The following SPATA16 variants were observed in gnomAD, a reference collection of about 807,000 sequenced individuals.
SPATA16 encodes the protein spermatogenesis-associated protein 16.
In SPATA16, 36 loss-of-function variants were observed where a neutral mutation model predicts 63.3. The observed-to-expected ratio is 0.57, with a 90% confidence interval of 0.44 to 0.75. The LOEUF is 0.75. SPATA16 is among the 30% of genes least tolerant of loss of function. SPATA16 has a pLI of 0.00. For missense variants in SPATA16, 646 were observed against 679.3 expected (o/e 0.95, Z 0.54); for synonymous variants, 203 against 216.7 (o/e 0.94, Z 0.56).
chr3:173,032,265 A>C (rs556959682), intron 3 of SPATA16, among the ~76,000 whole-genome samples: 2 of 152,146 alleles, frequency 1.3e-5, no homozygotes, highest in African/African-American at 4.8e-5. Context: ...AGTGAACAAC[A>C]AACACCTATT....
At chr3:172,923,064 A>G (rs1732650068) in intron 8 of SPATA16, among the ~76,000 whole-genome samples, 1 of 152,248 alleles carries the variant, frequency 6.6e-6, no homozygotes, top group African/African-American at 2.4e-5. Flanking sequence ...CACGGATGAG[A>G]TGAAATAATG....
intron 2 of SPATA16, among the ~76,000 whole-genome samples, chr3:173,093,669 T>C (rs1380290337): frequency 6.6e-6 from 1 of 152,208 alleles, no homozygotes; most frequent in Non-Finnish European, 1.5e-5. Flanking sequence ...AAGTTATGTA[T>C]TTGAGACAGA....
At chr3:173,062,484 CTT>C (rs560489976) in intron 2 of SPATA16, among the ~76,000 whole-genome samples, 200 of 152,226 alleles carry the variant, frequency 1.3e-3, no homozygotes, top group African/African-American at 4.6e-3. Context: ...GACTTAAGCT[CTT>C]TATACATTGT....
At chr3:172,890,982 GTA>G (rs1448879307) in intron 10 of SPATA16, among the ~76,000 whole-genome samples, 4 of 147,860 alleles carry the variant, frequency 2.7e-5, no homozygotes, top group South Asian at 2.1e-4. Context: ...TATAATATGT[GTA>G]TATATATATA....
chr3:173,102,883 T>A (rs1238569112), intron 2 of SPATA16, among the ~76,000 whole-genome samples: 1 of 152,164 alleles, frequency 6.6e-6, no homozygotes, highest in African/African-American at 2.4e-5. Context: ...TTCCTTCCAA[T>A]ATGAGCCTGT....
intron 4 of SPATA16, among the ~76,000 whole-genome samples, chr3:172,998,518 G>T (rs1734741408): frequency 6.6e-6 from 1 of 152,068 alleles, no homozygotes; most frequent in Admixed American, 6.6e-5. Flanking sequence ...TTACAAATGT[G>T]TATGCCTTTT....
At chr3:172,981,361 T>G (rs1734313336) in intron 4 of SPATA16, among the ~76,000 whole-genome samples, 1 of 152,194 alleles carries the variant, frequency 6.6e-6, no homozygotes, top group Admixed American at 6.5e-5. Flanking sequence ...ACTGCAAAGC[T>G]TCCTGTCTCT....
chr3:172,959,084 T>C (rs1410254054), intron 5 of SPATA16, among the ~76,000 whole-genome samples: 2 of 91,592 alleles, frequency 2.2e-5, no homozygotes, highest in South Asian at 2.9e-4. Context: ...ATTTCTGGAT[T>C]AACAAATCTA....
chr3:173,060,927 A>T (rs1736364521), intron 2 of SPATA16, among the ~76,000 whole-genome samples: 1 of 152,206 alleles, frequency 6.6e-6, no homozygotes. Context: ...ATCTATTCAA[A>T]GGTCTATCTT....
intron 3 of SPATA16, among the ~76,000 whole-genome samples, chr3:173,024,056 T>C (rs990988847): frequency 6.6e-6 from 1 of 151,616 alleles, no homozygotes; most frequent in East Asian, 1.9e-4. Context: ...TTGATCTGTA[T>C]GCACATTAAG....
chr3:173,089,626 G>A (rs530851890), intron 2 of SPATA16, among the ~76,000 whole-genome samples: 1 of 152,122 alleles, frequency 6.6e-6, no homozygotes, highest in Non-Finnish European at 1.5e-5. Flanking sequence ...TGGTGGTGGT[G>A]GATTGTGTCA....
At chr3:172,968,527 A>G (rs1489398752) in intron 5 of SPATA16, among the ~76,000 whole-genome samples, 1 of 152,222 alleles carries the variant, frequency 6.6e-6, no homozygotes, top group African/African-American at 2.4e-5. Context: ...CAGTCCGTCT[A>G]AATCAATGTC....
At position 173,101,205 on chromosome 3, in the gene SPATA16, T is replaced by C. The variant is rs539678076; in HGVS notation, c.612+15915A>G. ...TCACCTGGCCTAGATCATTGACCAA[T>C]TGGAATGGTAGGGGGGATAATACTT... is the stretch of plus-strand genomic sequence containing the variant. On this transcript the variant is annotated intron_variant, in intron 2 of 10. Transcript: ENST00000351008. Among the ~76,000 whole-genome samples, 34 of 152,166 alleles carry C rather than the reference T, an allele frequency of 2.2e-4. 1 individual carries two copies. Among genetic ancestry groups the C allele is most frequent in the Non-Finnish European group, 4.3e-4 (29 of 68,032 alleles).
intron 10 of SPATA16, among the ~76,000 whole-genome samples, chr3:172,909,328 C>G (rs1010092860): frequency 8.5e-5 from 13 of 152,160 alleles, no homozygotes; most frequent in Admixed American, 8.5e-4. Flanking sequence ...TCTTCCAACT[C>G]TTGGAACCTA....
intron 2 of SPATA16, among the ~76,000 whole-genome samples, chr3:173,098,833 G>A (rs999243102): frequency 1.5e-4 from 23 of 152,054 alleles, no homozygotes; most frequent in Non-Finnish European, 1.2e-4. Context: ...CATTAAAGCC[G>A]CCCATATGAT....
chr3:172,895,143 G>A (rs537571242), intron 10 of SPATA16, among the ~76,000 whole-genome samples: 4 of 152,264 alleles, frequency 2.6e-5, no homozygotes, highest in South Asian at 2.1e-4. Context: ...CCCAGTGTCC[G>A]TCAATGGTAA....
At chr3:172,999,395 ATTTC>A (rs144082601) in intron 4 of SPATA16, among the ~76,000 whole-genome samples, 29 of 150,688 alleles carry the variant, frequency 1.9e-4, no homozygotes, top group South Asian at 1.3e-3. Context: ...CCCCTATTTC[ATTTC>A]TTTCTTTCTT....
At chr3:173,076,427 A>C (rs1010319391) in intron 2 of SPATA16, among the ~76,000 whole-genome samples, 11 of 152,016 alleles carry the variant, frequency 7.2e-5, no homozygotes, top group African/African-American at 2.7e-4. Context: ...ACACAAATGT[A>C]TATTTTTCCT....
At chr3:173,075,169 C>A (rs1411963710) in intron 2 of SPATA16, among the ~76,000 whole-genome samples, 1 of 148,692 alleles carries the variant, frequency 6.7e-6, no homozygotes, top group Non-Finnish European at 1.5e-5. Context: ...AAAAAAAAGG[C>A]CTTCATGGAG....
Sources: gnomAD v4.1 joint callset for allele counts (sites outside exome capture counted in the v4.1 genomes callset) on GRCh38, gnomAD v4.1.1 for gene constraint, MANE v1.5 for transcripts, NCBI Gene and HGNC (gene_info 2026-07-23, HGNC 2026-07-21) for gene names.